CLDN12: variants seen among roughly 807,000 people sequenced by gnomAD.
CLDN12 encodes the protein claudin 12, also known as claudin-12.
A neutral mutation model predicts 15.5 loss-of-function variants in CLDN12; 9 were observed. That is an observed-to-expected ratio of 0.58 (90% CI 0.35 to 1.02). The LOEUF is 1.02. Ranked by LOEUF, CLDN12 falls within the 50% of genes least tolerant of loss-of-function variation. The probability of loss-of-function intolerance (pLI) is 0.02; values close to 1 mark genes in which losing one functional copy is unlikely to be tolerated. For missense variants in CLDN12, 233 were observed against 297.3 expected (o/e 0.78, Z 1.59); for synonymous variants, 140 against 121.6 (o/e 1.15, Z -1.00).
intron 2 of CLDN12, among the ~76,000 whole-genome samples, chr7:90,406,868 G>A (rs1796847033): frequency 6.6e-6 from 1 of 151,972 alleles, no homozygotes; most frequent in Admixed American, 6.6e-5. Flanking sequence ...TCTTAGCCTT[G>A]CACGTTTTCC....
Position 90,415,900 on chromosome 7 carries a change from C to A in CLDN12, c.*2489C>A, listed in dbSNP as rs998090009. On this transcript the variant is annotated 3_prime_UTR_variant, in exon 4 of 4. Coordinates refer to ENST00000496677, the MANE Select transcript of CLDN12 (RefSeq NM_001185072.3). ...TTTGCTGTAAACTACAATGTAAAAC[C>A]TCAATAAAAGTGCGCTGTACTTCTT... 2.4e-5 allele frequency: 4 copies of A among 166,724 alleles called. No homozygotes were observed. The highest frequency in any genetic ancestry group is 9.7e-5 in the African/African-American group (4 of 41,438). The allele number at this position is 166,724 out of a possible 1,614,324, so 10.3% of individuals were successfully genotyped here.
chr7:90,413,595 A>AT lies in CLDN12; in HGVS notation c.*190dup. 3.0e-6 allele frequency: 4 copies of AT among 1,347,734 alleles called. No individual in the cohort carries two copies. The highest frequency in any genetic ancestry group is 3.8e-6 in the Non-Finnish European group (4 of 1,047,066). 83.5% of individuals were successfully genotyped at this position (1,347,734 alleles called of 1,614,324 possible). On this transcript the variant is annotated 3_prime_UTR_variant, in exon 4 of 4. Coordinates refer to ENST00000496677, the MANE Select transcript of CLDN12 (RefSeq NM_001185072.3). ...GAGAAGTATATTATATTAAATGTGA[A>AT]TTTTTTAAATTTTGCTTCTTATACT...
intron 2 of CLDN12, among the ~76,000 whole-genome samples, chr7:90,409,423 T>C (rs1014580524): frequency 2.6e-5 from 4 of 152,182 alleles, no homozygotes; most frequent in Admixed American, 2.6e-4. Context: ...GGTTTCACCA[T>C]GTTGACCAGG....
intron 1 of CLDN12, among the ~76,000 whole-genome samples, chr7:90,405,091 C>A (rs1036620077): frequency 6.6e-6 from 1 of 151,980 alleles, no homozygotes; most frequent in Admixed American, 6.6e-5. Flanking sequence ...GAGCCAGAAT[C>A]TCTCTCTGTC....
Position 90,414,246 on chromosome 7 carries a change from T to C in CLDN12, c.*835T>C. 1 of 1,000,326 alleles carries C rather than the reference T, an allele frequency of 1.0e-6. No homozygotes were observed. The highest frequency in any genetic ancestry group is 1.2e-6 in the Non-Finnish European group (1 of 830,016). 62.0% of individuals were successfully genotyped at this position (1,000,326 alleles called of 1,614,324 possible). A position where few individuals can be genotyped will look rare whatever the true frequency, so the allele number is the denominator to read the frequency against. On this transcript the variant is annotated 3_prime_UTR_variant, in exon 4 of 4. Transcript: ENST00000496677. ...AAAAGGGCCATAATGGTTTGTTCTC[T>C]TTCAGACATAATTTAGTAGGGGACA... is the stretch of plus-strand genomic sequence containing the variant.
chr7:90,411,166 T>C (rs763257817), intron 2 of CLDN12, among the ~76,000 whole-genome samples: 5 of 152,226 alleles, frequency 3.3e-5, no homozygotes, highest in Non-Finnish European at 7.3e-5. Flanking sequence ...TTTCTGATCC[T>C]GAAAGCTTGG....
chr7:90,407,180 G>A (rs1338867861), intron 2 of CLDN12, among the ~76,000 whole-genome samples: 1 of 152,116 alleles, frequency 6.6e-6, no homozygotes, highest in Non-Finnish European at 1.5e-5. Flanking sequence ...TTACAGGCAT[G>A]AGCCACCACG....
chr7:90,406,271 C>T (rs1796834192), intron 2 of CLDN12, among the ~76,000 whole-genome samples: 1 of 152,162 alleles, frequency 6.6e-6, no homozygotes, highest in African/African-American at 2.4e-5. Context: ...TATTCAAAAC[C>T]ACAGAAAATA....
At position 90,413,481 on chromosome 7, in the gene CLDN12, T is replaced by C. The variant is rs1179310503; in HGVS notation, c.*70T>C. 6.5e-7 allele frequency: 1 copy of C among 1,546,738 alleles called. No individual in the cohort carries two copies. Among genetic ancestry groups the C allele is most frequent in the Non-Finnish European group, 8.7e-7 (1 of 1,149,108 alleles). Reference sequence around the variant, plus strand: ...ATTCCCCTTGTGCAAAGAGCTCTTTTGGACCTACATACATTTTCCTTTGTT... The same window carrying C: ...ATTCCCCTTGTGCAAAGAGCTCTTTCGGACCTACATACATTTTCCTTTGTT... On this transcript the variant is annotated 3_prime_UTR_variant, in exon 4 of 4. Coordinates refer to ENST00000496677, the MANE Select transcript of CLDN12 (RefSeq NM_001185072.3).
At chr7:90,411,603 C>T (rs1454567063) in intron 2 of CLDN12, among the ~76,000 whole-genome samples, 1 of 151,422 alleles carries the variant, frequency 6.6e-6, no homozygotes, top group African/African-American at 2.4e-5. Flanking sequence ...GTAGATTTCC[C>T]TGAAAATCTA....
intron 2 of CLDN12, among the ~76,000 whole-genome samples, chr7:90,408,137 A>G (rs1311533621): frequency 1.3e-5 from 2 of 152,238 alleles, no homozygotes; most frequent in African/African-American, 4.8e-5. Context: ...GCAAGTATGA[A>G]CAAATCCTAA....
chr7:90,408,580 G>C (rs1796889855), intron 2 of CLDN12, among the ~76,000 whole-genome samples: 1 of 152,120 alleles, frequency 6.6e-6, no homozygotes, highest in South Asian at 2.1e-4. Context: ...ATTAAGAACA[G>C]GGCATACAAG....
rs1436906132 is a variant in CLDN12 at position 90,415,783 on chromosome 7, T to C, written c.*2372T>C. The C allele has an allele frequency of 6.0e-6, 1 of 167,098 alleles. No individual in the cohort carries two copies. The highest frequency in any genetic ancestry group is 1.5e-5 in the Non-Finnish European group (1 of 68,114). 10.4% of individuals were successfully genotyped at this position (167,098 alleles called of 1,614,324 possible). A position where few individuals can be genotyped will look rare whatever the true frequency, so the allele number is the denominator to read the frequency against. ...CCAACTTGGAAAACAACCTTAAATG[T>C]GGATGTATCAGATTTGGTTTATCCA... On this transcript the variant is annotated 3_prime_UTR_variant, in exon 4 of 4. Transcript: ENST00000496677.
chr7:90,413,572 G>A lies in CLDN12; in HGVS notation c.*161G>A. The A allele has an allele frequency of 7.0e-7, 1 of 1,419,924 alleles. No homozygotes were observed. Among genetic ancestry groups the A allele is most frequent in the East Asian group, 2.6e-5 (1 of 39,198 alleles). 88.0% of individuals were successfully genotyped at this position (1,419,924 alleles called of 1,614,324 possible). A position where few individuals can be genotyped will look rare whatever the true frequency, so the allele number is the denominator to read the frequency against. On this transcript the variant is annotated 3_prime_UTR_variant, in exon 4 of 4. Transcript: ENST00000496677. ...AATGAAGTGCTGCTAGTTTTTATGA[G>A]AAGTATATTATATTAAATGTGAATT...
Position 90,413,227 on chromosome 7 carries a change from G to A in CLDN12, c.551G>A (p.Gly184Asp). ...AVYVTIASAGGLFMTSLILFI... is the reference protein window; with the variant it reads ...AVYVTIASAGDLFMTSLILFI... The stretch of plus-strand genomic sequence containing the variant: ...TATGTCACTATTGCTAGTGCTGGGG[G>A]CCTGTTTATGACTTCCCTTATACTA... The change falls in exon 4 of 4, where the codon GGC becomes GAC. Residue 184 changes from glycine to aspartate, a missense_variant. Transcript: ENST00000496677. 6.2e-7 allele frequency: 1 copy of A among 1,614,120 alleles called. No homozygotes were observed. The highest frequency in any genetic ancestry group is 8.5e-7 in the Non-Finnish European group (1 of 1,180,000).
chr7:90,408,631 A>T (rs138537714), intron 2 of CLDN12, among the ~76,000 whole-genome samples: 225 of 152,344 alleles, frequency 1.5e-3, no homozygotes, highest in Non-Finnish European at 2.6e-3. Context: ...TTCCAGTATC[A>T]GGCCAAAATT....
Position 90,413,094 on chromosome 7 carries a change from T to C in CLDN12, c.418T>C (p.Phe140Leu), listed in dbSNP as rs1237832831. ...AGCHLVAGLL[F>L]FLAGTVSLSP... Reference sequence around the variant, plus strand: ...TTGCCACCTGGTGGCTGGGCTGCTATTTTTCCTGGCAGGTACTGTGAGCCT... The same window carrying C: ...TTGCCACCTGGTGGCTGGGCTGCTACTTTTCCTGGCAGGTACTGTGAGCCT... The change falls in exon 4 of 4, where the codon TTT becomes CTT. Residue 140 changes from phenylalanine to leucine, a missense_variant. Coordinates refer to ENST00000496677, the MANE Select transcript of CLDN12 (RefSeq NM_001185072.3). 1.9e-6 allele frequency: 3 copies of C among 1,614,212 alleles called. No homozygotes were observed. The African/African-American group carries it at 4.0e-5, about 22-fold the overall frequency.
At chr7:90,412,586 C>T in intron 3 of CLDN12, 58 bp from the exon 4 acceptor site, 1 of 1,411,738 alleles carries the variant, frequency 7.1e-7, no homozygotes, top group South Asian at 1.4e-5. Flanking sequence ...CACCACCCTT[C>T]CTGCTCTGTT....
chr7:90,414,058 A>C lies in CLDN12; in HGVS notation c.*647A>C. 1 of 990,458 alleles carries C rather than the reference A, an allele frequency of 1.0e-6. No individual in the cohort carries two copies. The highest frequency in any genetic ancestry group is 1.2e-6 in the Non-Finnish European group (1 of 821,246). The allele number at this position is 990,458 out of a possible 1,614,324, so 61.4% of individuals were successfully genotyped here. ...ACCTACTTATGAATAACATGTAATA[A>C]TTTTTAACATTAATGATTCCATAAA... is the stretch of plus-strand genomic sequence containing the variant. On this transcript the variant is annotated 3_prime_UTR_variant, in exon 4 of 4. Coordinates refer to ENST00000496677, the MANE Select transcript of CLDN12 (RefSeq NM_001185072.3).
Sources: allele counts gnomAD v4.1 joint callset (sites outside exome capture counted in the v4.1 genomes callset), GRCh38; gene constraint gnomAD v4.1.1; transcripts MANE v1.5; gene names NCBI Gene and HGNC (gene_info 2026-07-23, HGNC 2026-07-21).